BTF3L4: variants seen among roughly 807,000 people sequenced by gnomAD.
The protein encoded by BTF3L4 is transcription factor BTF3 homolog 4.
In BTF3L4, 6 loss-of-function variants were observed where a neutral mutation model predicts 16.8. That is an observed-to-expected ratio of 0.36 (90% CI 0.20 to 0.71). The LOEUF (loss-of-function observed/expected upper bound fraction) is 0.71, where lower values mean the gene tolerates loss of function less well. Ranked by LOEUF, BTF3L4 falls within the 30% of genes least tolerant of loss-of-function variation. The pLI is 0.58. For synonymous variants in BTF3L4, 39 were observed against 59.8 expected, an observed-to-expected ratio of 0.65 and a Z score of 1.60; for missense variants, 92 against 186.9, an observed-to-expected ratio of 0.49 and a Z score of 2.96.
intron 3 of BTF3L4, among the ~76,000 whole-genome samples, chr1:52,072,179 C>T (rs191519291): frequency 1.2e-3 from 176 of 151,748 alleles, no homozygotes; most frequent in African/African-American, 3.9e-3. Flanking sequence ...CTCAGCCTCC[C>T]GAGTAGCTGG....
chr1:52,059,661 G>T (rs750238721), intron 1 of BTF3L4, among the ~76,000 whole-genome samples, 174 bp from the exon 2 acceptor site: 25 of 152,132 alleles, frequency 1.6e-4, no homozygotes, highest in Non-Finnish European at 2.8e-4. Context: ...AAAAATATCT[G>T]GTTTATGAAG....
At chr1:52,067,745 A>G (rs1313686003) in intron 3 of BTF3L4, among the ~76,000 whole-genome samples, 1 of 152,142 alleles carries the variant, frequency 6.6e-6, no homozygotes, top group Non-Finnish European at 1.5e-5. Flanking sequence ...ATCTTTGCCT[A>G]CCTTTCTACC....
In BTF3L4 at chr1:52,088,768, A is replaced by T. The variant is rs1643993819; in HGVS notation, c.*2010A>T. 6.6e-6 allele frequency: 1 copy of T among 152,078 alleles called. No homozygotes were observed. Among genetic ancestry groups the T allele is most frequent in the Non-Finnish European group, 1.5e-5 (1 of 68,022 alleles). The allele number at this position is 152,078 out of a possible 1,614,324, so 9.4% of individuals were successfully genotyped here. ...TCTGAAATTTATCATCAGTCAAATAAGATTTTATTCTGTTTTGTTTTGTTT... is the reference window on the plus strand; with the variant it reads ...TCTGAAATTTATCATCAGTCAAATATGATTTTATTCTGTTTTGTTTTGTTT... On this transcript the variant is annotated 3_prime_UTR_variant, in exon 6 of 6. Coordinates refer to ENST00000313334, the MANE Select transcript of BTF3L4 (RefSeq NM_152265.5).
chr1:52,085,288 G>C (rs3015304), intron 4 of BTF3L4, among the ~76,000 whole-genome samples: 11,844 of 150,932 alleles, frequency 0.078, 1,327 homozygotes, highest in African/African-American at 0.24. Context: ...CAAAGTGCTG[G>C]GATTACAAGC....
chr1:52,064,891 A>G lies in BTF3L4; in HGVS notation c.121A>G (p.Ser41Gly). ...TATADDKKLQ[S>G]SLKKLAVNNI... is the part of the protein sequence containing the mutation. The stretch of plus-strand genomic sequence containing the variant: ...CACAGCTGATGACAAAAAGCTTCAG[A>G]GTTCTCTAAAAAAACTGGCTGTGAA... The change falls in exon 3 of 6, where the codon AGT becomes GGT. Residue 41 changes from serine (S) to glycine (G), a missense_variant. Physicochemically the swap from Ser to Gly is moderately conservative, Grantham distance 56. Coordinates refer to ENST00000313334, the MANE Select transcript of BTF3L4 (RefSeq NM_152265.5). 1 of 1,613,424 alleles carries G rather than the reference A, an allele frequency of 6.2e-7. No individual in the cohort carries two copies. The highest frequency in any genetic ancestry group is 8.5e-7 in the Non-Finnish European group (1 of 1,179,770).
intron 3 of BTF3L4, among the ~76,000 whole-genome samples, chr1:52,075,235 T>C (rs938136557): frequency 6.6e-6 from 1 of 152,004 alleles, no homozygotes; most frequent in Non-Finnish European, 1.5e-5. Flanking sequence ...AAAAGAATCA[T>C]GTGATGAACT....
rs991468827 is a variant in BTF3L4, at chr1:52,090,351, C to T, written c.*3593C>T. 4 of 152,184 alleles carry T rather than the reference C, an allele frequency of 2.6e-5. No individual in the cohort carries two copies. The highest frequency in any genetic ancestry group is 9.7e-5 in the African/African-American group (4 of 41,436). The allele number at this position is 152,184 out of a possible 1,614,324, so 9.4% of individuals were successfully genotyped here. On this transcript the variant is annotated 3_prime_UTR_variant, in exon 6 of 6. Transcript: ENST00000313334. ...AAGCTATGGCTTAGATTTTCCGAAG[C>T]TCATGGTTCTAGGCACAGAAAGTCT...
chr1:52,060,057 G>T (rs1346629980), intron 2 of BTF3L4, among the ~76,000 whole-genome samples, 156 bp downstream of exon 2: 8 of 152,060 alleles, frequency 5.3e-5, no homozygotes, highest in Non-Finnish European at 1.2e-4. Flanking sequence ...TCTAAAATAG[G>T]TAACTAGAAC....
chr1:52,071,011 G>A (rs1686774340), intron 3 of BTF3L4: 1 of 152,152 alleles, frequency 6.6e-6, no homozygotes, highest in Non-Finnish European at 1.5e-5. Flanking sequence ...TTCTGAAAAT[G>A]TTTTATGTTC....
At chr1:52,077,310 G>A (rs1293547712) in intron 3 of BTF3L4, among the ~76,000 whole-genome samples, 1 of 152,220 alleles carries the variant, frequency 6.6e-6, no homozygotes, top group African/African-American at 2.4e-5. Flanking sequence ...GGGAGTCCAA[G>A]GTGGGTGGGT....
chr1:52,080,518 G>A (rs1396213946), intron 3 of BTF3L4, among the ~76,000 whole-genome samples: 3 of 99,252 alleles, frequency 3.0e-5, no homozygotes, highest in Non-Finnish European at 6.3e-5. Context: ...TGGTTTTTTG[G>A]GTTTTTTTTT....
At chr1:52,086,360 C>T (rs1163820910) in intron 5 of BTF3L4, 189 bp downstream of exon 5, 2 of 494,030 alleles carry the variant, frequency 4.0e-6, no homozygotes, top group Non-Finnish European at 7.1e-6. Context: ...CAGAAATTGT[C>T]ACACAAAGCT....
intron 3 of BTF3L4, among the ~76,000 whole-genome samples, chr1:52,082,366 C>T (rs935907634): frequency 6.6e-6 from 1 of 152,110 alleles, no homozygotes; most frequent in South Asian, 2.1e-4. Flanking sequence ...GTTCAGGTCA[C>T]TAGGTGAGTG....
intron 3 of BTF3L4, among the ~76,000 whole-genome samples, chr1:52,069,828 T>C (rs537689201): frequency 6.6e-6 from 1 of 152,364 alleles, no homozygotes; most frequent in Admixed American, 6.5e-5. Flanking sequence ...CTACTGTCAG[T>C]ACTGAATGTC....
In BTF3L4 at chr1:52,086,146, T is replaced by C. The variant is rs1186348715; in HGVS notation, c.405T>C (p.Ile135=). The C allele has an allele frequency of 1.2e-6, 2 of 1,611,328 alleles. No individual in the cohort carries two copies. Among genetic ancestry groups the C allele is most frequent in the Non-Finnish European group, 1.7e-6 (2 of 1,178,790 alleles). The part of the protein sequence containing the change: ...LDSKAPKPED[I]DEEDDDVPDL... ...GTAAAGCACCAAAACCAGAAGACAT[T>C]GATGAGGAAGATGATGATGTTCCAG... The change falls in exon 5 of 6, where the codon ATT becomes ATC. Residue 135 remains isoleucine (I), a synonymous_variant. Transcript: ENST00000313334.
intron 3 of BTF3L4, among the ~76,000 whole-genome samples, chr1:52,069,826 A>G (rs892708808): frequency 1.3e-5 from 2 of 152,216 alleles, no homozygotes; most frequent in Non-Finnish European, 2.9e-5. Flanking sequence ...TTCTACTGTC[A>G]GTACTGAATG....
At chr1:52,083,894 C>T (rs1643945991) in intron 4 of BTF3L4, among the ~76,000 whole-genome samples, 1 of 151,892 alleles carries the variant, frequency 6.6e-6, no homozygotes, top group Non-Finnish European at 1.5e-5. Flanking sequence ...GTAGCAGGCG[C>T]CTATAATCCC....
chr1:52,087,090 A>T lies in BTF3L4; in HGVS notation c.*332A>T, dbSNP rs1488057777. The T allele has an allele frequency of 5.1e-6, 1 of 195,674 alleles. No individual in the cohort carries two copies. Among genetic ancestry groups the T allele is most frequent in the Non-Finnish European group, 1.0e-5 (1 of 96,858 alleles). The allele number at this position is 195,674 out of a possible 1,614,324, so 12.1% of individuals were successfully genotyped here. ...GTGGGTATGTGTGTATACAGTGGAG[A>T]GCAAATTGGAAAACAGTTCTATTTA... On this transcript the variant is annotated 3_prime_UTR_variant, in exon 6 of 6. Coordinates refer to ENST00000313334, the MANE Select transcript of BTF3L4 (RefSeq NM_152265.5).
chr1:52,062,491 C>T lies in BTF3L4; in HGVS notation c.55-2334C>T, dbSNP rs777675436. Among the ~76,000 whole-genome samples the T allele has an allele frequency of 5.9e-5, 9 of 152,188 alleles. No individual in the cohort carries two copies. The South Asian group carries it at 1.0e-3, about 18-fold the overall frequency. On this transcript the variant is annotated intron_variant, in intron 2 of 5. Coordinates refer to ENST00000313334, the MANE Select transcript of BTF3L4 (RefSeq NM_152265.5). Reference sequence around the variant, plus strand: ...CTAGGATTACAGGTGTGAGCCACCGCGCTCGGCCGGTACAGCTGTTCTTTA... The same window carrying T: ...CTAGGATTACAGGTGTGAGCCACCGTGCTCGGCCGGTACAGCTGTTCTTTA...
Sources: gnomAD v4.1 joint callset for allele counts (sites outside exome capture counted in the v4.1 genomes callset) on GRCh38, gnomAD v4.1.1 for gene constraint, MANE v1.5 for transcripts, NCBI Gene and HGNC (gene_info 2026-07-23, HGNC 2026-07-21) for gene names.